The following SCFD2 variants were observed in gnomAD, a reference collection of about 807,000 sequenced individuals.
SCFD2 encodes the protein sec1 family domain-containing protein 2.
SCFD2 carries 54 observed loss-of-function variants against 58.9 expected under a neutral mutation model. That is an observed-to-expected ratio of 0.92 (90% confidence interval 0.74 to 1.15). SCFD2 has a LOEUF of 1.15. Ranked by LOEUF, SCFD2 falls within the 50% of genes most tolerant of loss-of-function variation. The pLI, the probability that SCFD2 is intolerant of heterozygous loss-of-function variation, is 0.00. For missense variants in SCFD2, 805 were observed against 836.6 expected (o/e 0.96, Z 0.47); for synonymous variants, 321 against 335.9 (o/e 0.96, Z 0.49).
chr4:52,991,808 C>T (rs967814236), intron 5 of SCFD2, among the ~76,000 whole-genome samples: 2 of 152,092 alleles, frequency 1.3e-5, no homozygotes, highest in African/African-American at 4.8e-5. Context: ...AGCCATTCTG[C>T]CATTACATTT....
At chr4:52,979,851 T>A (rs925287267) in intron 5 of SCFD2, among the ~76,000 whole-genome samples, 2 of 152,106 alleles carry the variant, frequency 1.3e-5, no homozygotes, top group African/African-American at 4.8e-5. Context: ...AACCTAGCAG[T>A]TAATCAAGTC....
intron 5 of SCFD2, among the ~76,000 whole-genome samples, chr4:53,130,060 C>A (rs190457982): frequency 6.6e-6 from 1 of 152,178 alleles, no homozygotes; most frequent in East Asian, 1.9e-4. Context: ...TACAATATAT[C>A]CATGTAACAA....
intron 4 of SCFD2, among the ~76,000 whole-genome samples, chr4:53,265,107 T>G (rs1470684927): frequency 6.6e-6 from 1 of 152,204 alleles, no homozygotes; most frequent in African/African-American, 2.4e-5. Context: ...AATACATTGT[T>G]TGCTATCATT....
intron 5 of SCFD2, among the ~76,000 whole-genome samples, chr4:52,924,686 A>T (rs1414862026): frequency 1.3e-5 from 2 of 152,152 alleles, no homozygotes; most frequent in East Asian, 3.9e-4. Context: ...CAAAAGAAGG[A>T]TTTACATTTA....
In SCFD2 at chr4:53,344,668, C is replaced by T. The variant is rs551236981; in HGVS notation, c.1007+7930G>A. 2.6e-5 allele frequency among the ~76,000 whole-genome samples: 4 copies of T among 152,282 alleles called. No individual in the cohort carries two copies. In the East Asian group the frequency reaches 5.8e-4, roughly 22 times the overall value. On this transcript the variant is annotated intron_variant, in intron 2 of 8. Coordinates refer to ENST00000401642, the MANE Select transcript of SCFD2 (RefSeq NM_152540.4). ...ACAATCCTAAGCAAACAGAATGAAG[C>T]TGGAGACATCACACTACCTGACTTC...
intron 8 of SCFD2, among the ~76,000 whole-genome samples, chr4:52,882,837 C>T (rs1296890333): frequency 6.6e-6 from 1 of 152,180 alleles, no homozygotes; most frequent in Admixed American, 6.5e-5. Context: ...AGTTTTGTCC[C>T]TCTAGAGAAC....
chr4:53,250,922 C>CA (rs757256585), intron 4 of SCFD2, among the ~76,000 whole-genome samples: 3 of 151,998 alleles, frequency 2.0e-5, no homozygotes, highest in African/African-American at 4.8e-5. Context: ...AATAGAGACA[C>CA]AAAAAACCCT....
chr4:53,192,318 C>T (rs1282287999), intron 4 of SCFD2, among the ~76,000 whole-genome samples: 3 of 152,134 alleles, frequency 2.0e-5, no homozygotes, highest in African/African-American at 7.2e-5. Context: ...CTTTCCTTAT[C>T]GTTTGTAAGC....
intron 5 of SCFD2, among the ~76,000 whole-genome samples, chr4:52,947,029 C>G (rs975441625): frequency 6.6e-6 from 1 of 152,116 alleles, no homozygotes; most frequent in African/African-American, 2.4e-5. Context: ...TTCATTCAGG[C>G]CATCTCAGGG....
At chr4:53,234,163 G>A (rs1441367625) in intron 4 of SCFD2, among the ~76,000 whole-genome samples, 2 of 152,064 alleles carry the variant, frequency 1.3e-5, no homozygotes, top group African/African-American at 4.8e-5. Flanking sequence ...AAAAGAAATT[G>A]TATGCACATC....
intron 4 of SCFD2, among the ~76,000 whole-genome samples, chr4:53,227,895 G>A (rs1004154132): frequency 6.6e-6 from 1 of 152,180 alleles, no homozygotes; most frequent in Non-Finnish European, 1.5e-5. Flanking sequence ...TACTAGAAGT[G>A]CAGTTTGACA....
At chr4:53,026,581 A>G (rs1225045604) in intron 5 of SCFD2, among the ~76,000 whole-genome samples, 1 of 152,240 alleles carries the variant, frequency 6.6e-6, no homozygotes, top group Non-Finnish European at 1.5e-5. Context: ...GGCTGAATTA[A>G]TCTTGCCAGC....
chr4:53,303,326 A>C (rs558432943), intron 3 of SCFD2, among the ~76,000 whole-genome samples: 2 of 152,382 alleles, frequency 1.3e-5, no homozygotes, highest in Admixed American at 1.3e-4. Context: ...GAAGACATTT[A>C]TGTAGCCAAA....
chr4:52,873,926 C>T lies in SCFD2; in HGVS notation c.*43G>A, dbSNP rs138867267. 2,053 of 1,433,310 alleles carry T rather than the reference C, an allele frequency of 1.4e-3. 21 individuals are homozygous for T. The East Asian group carries it at 0.022, about 15-fold the overall frequency. 88.8% of individuals were successfully genotyped at this position (1,433,310 alleles called of 1,614,324 possible). On this transcript the variant is annotated 3_prime_UTR_variant, in exon 9 of 9. Transcript: ENST00000401642. ...TTGGAGTGGTGGCAGAAAATTGCATCGGCATTTCCAGCTTGAGTAGGTCTT... is the reference window on the plus strand; with the variant it reads ...TTGGAGTGGTGGCAGAAAATTGCATTGGCATTTCCAGCTTGAGTAGGTCTT...
chr4:52,964,542 G>A (rs1020807540), intron 5 of SCFD2, among the ~76,000 whole-genome samples: 1 of 152,186 alleles, frequency 6.6e-6, no homozygotes, highest in African/African-American at 2.4e-5. Context: ...CATTCTAGGA[G>A]TTGCAGGCTA....
intron 7 of SCFD2, among the ~76,000 whole-genome samples, chr4:52,890,697 GT>G (rs1718860352): frequency 6.6e-6 from 1 of 152,182 alleles, no homozygotes; most frequent in South Asian, 2.1e-4. Context: ...TTTGCTGGCT[GT>G]GATTTTAAGA....
chr4:53,165,560 C>A (rs1726982544), intron 4 of SCFD2, among the ~76,000 whole-genome samples: 1 of 152,174 alleles, frequency 6.6e-6, no homozygotes, highest in Non-Finnish European at 1.5e-5. Context: ...CTGCTCCCAC[C>A]CTGACTCTTC....
chr4:53,179,956 C>T (rs1444535517), intron 4 of SCFD2, among the ~76,000 whole-genome samples: 5 of 152,122 alleles, frequency 3.3e-5, no homozygotes, highest in Non-Finnish European at 7.3e-5. Context: ...GCTAACCATC[C>T]CAAATATATA....
chr4:53,098,658 C>T (rs1724736492), intron 5 of SCFD2, among the ~76,000 whole-genome samples: 1 of 152,072 alleles, frequency 6.6e-6, no homozygotes, highest in Admixed American at 6.6e-5. Context: ...TAGATAGCCA[C>T]TTGGTTATCT....
Sources: gnomAD v4.1 joint callset for allele counts (sites outside exome capture counted in the v4.1 genomes callset) on GRCh38, gnomAD v4.1.1 for gene constraint, MANE v1.5 for transcripts, NCBI Gene and HGNC (gene_info 2026-07-23, HGNC 2026-07-21) for gene names.